PCCB: variants seen among roughly 807,000 people sequenced by gnomAD.
PCCB encodes propionyl-CoA carboxylase beta chain, mitochondrial.
PCCB carries 43 observed loss-of-function variants against 60.7 expected under a neutral mutation model. The ratio of observed to expected loss-of-function variants is 0.71; its 90% CI spans 0.55 to 0.91. The LOEUF is 0.91. PCCB is among the 40% of genes least tolerant of loss of function. The pLI, the probability that PCCB is intolerant of heterozygous loss-of-function variation, is 0.00. For missense variants in PCCB, 766 were observed against 702.8 expected, an observed-to-expected ratio of 1.09 and a Z score of -1.02; for synonymous variants, 276 against 255.9, an observed-to-expected ratio of 1.08 and a Z score of -0.75.
intron 5 of PCCB, among the ~76,000 whole-genome samples, chr3:136,266,666 A>C (rs938534288): frequency 5.3e-5 from 8 of 152,218 alleles, no homozygotes; most frequent in African/African-American, 1.4e-4. Flanking sequence ...TCAGATGACT[A>C]ATCATGTTGA....
At chr3:136,309,276 AAAAAG>A (rs1285171217) in intron 9 of PCCB, among the ~76,000 whole-genome samples, 2 of 151,690 alleles carry the variant, frequency 1.3e-5, no homozygotes, top group Admixed American at 6.6e-5. Flanking sequence ...AAAAAAAAAA[AAAAAG>A]AAAAGAAAAA....
intron 5 of PCCB, among the ~76,000 whole-genome samples, chr3:136,268,466 T>TG (rs374460050): frequency 6.2e-4 from 35 of 56,540 alleles, no homozygotes; most frequent in African/African-American, 1.3e-3. Flanking sequence ...TCCAACTTGG[T>TG]TTTTTTTTTT....
chr3:136,309,331 A>G (rs1304172767), intron 9 of PCCB, among the ~76,000 whole-genome samples: 1 of 152,098 alleles, frequency 6.6e-6, no homozygotes, highest in Non-Finnish European at 1.5e-5. Flanking sequence ...AAAACCCTGT[A>G]AAATATTTCA....
At chr3:136,261,639 A>T (rs1474631518) in intron 4 of PCCB, among the ~76,000 whole-genome samples, 1 of 152,148 alleles carries the variant, frequency 6.6e-6, no homozygotes, top group Non-Finnish European at 1.5e-5. Flanking sequence ...CTGGGAACAA[A>T]ACTGGCTGCT....
At chr3:136,283,993 GTTCC>G in intron 6 of PCCB, 46 bp downstream of exon 6, 1 of 1,146,480 alleles carries the variant, frequency 8.7e-7, no homozygotes, top group Non-Finnish European at 1.3e-6. Flanking sequence ...GATTTGTGCA[GTTCC>G]TTACCTGCAA....
intron 8 of PCCB, among the ~76,000 whole-genome samples, chr3:136,299,621 T>C (rs1934127970): frequency 1.0e-5 from 1 of 99,576 alleles, no homozygotes; most frequent in Non-Finnish European, 2.0e-5. Flanking sequence ...CATGTGTATG[T>C]ATAGGTATGC....
At position 136,282,669 on chromosome 3, in the gene PCCB, A is replaced by C. The variant is rs538741763; in HGVS notation, c.544-1168A>C. Among the ~76,000 whole-genome samples, 8 of 152,286 alleles carry C rather than the reference A, an allele frequency of 5.3e-5. No individual in the cohort carries two copies. In the South Asian group the frequency reaches 1.7e-3, roughly 32 times the overall value. The stretch of plus-strand genomic sequence containing the variant: ...TTGCTTTATACAGTCTTGTTTTTCA[A>C]AGTATTAAGAAAAGAGAACTATACT... On this transcript the variant is annotated intron_variant, in intron 5 of 14. Coordinates refer to ENST00000251654, the MANE Select transcript of PCCB (RefSeq NM_000532.5).
chr3:136,275,333 TG>T (rs1942310307), intron 5 of PCCB, among the ~76,000 whole-genome samples: 1 of 152,112 alleles, frequency 6.6e-6, no homozygotes, highest in South Asian at 2.1e-4. Context: ...TATTCTGAAT[TG>T]TTTTTTAAGT....
chr3:136,264,411 GTC>G (rs1941914161), intron 5 of PCCB, among the ~76,000 whole-genome samples: 1 of 129,008 alleles, frequency 7.8e-6, no homozygotes, highest in Non-Finnish European at 1.7e-5. Flanking sequence ...CGCTCTTTCT[GTC>G]TCTGTCTCTC....
intron 1 of PCCB, among the ~76,000 whole-genome samples, chr3:136,252,868 C>T: frequency 6.7e-6 from 1 of 149,962 alleles, no homozygotes; most frequent in East Asian, 1.9e-4. Flanking sequence ...ACTTACTCTA[C>T]TTTACATGAC....
intron 6 of PCCB, among the ~76,000 whole-genome samples, chr3:136,288,285 T>A (rs1933514441): frequency 6.6e-6 from 1 of 152,236 alleles, no homozygotes; most frequent in South Asian, 2.1e-4. Context: ...TTATTGATAC[T>A]GTTTTTCTTT....
intron 5 of PCCB, among the ~76,000 whole-genome samples, chr3:136,268,097 T>TATATATATATATAG (rs1942073197): frequency 2.4e-5 from 2 of 84,532 alleles, no homozygotes; most frequent in African/African-American, 8.8e-5. Context: ...GATATATATA[T>TATATATATATATAG]ATATATATAT....
intron 5 of PCCB, among the ~76,000 whole-genome samples, chr3:136,274,453 A>G (rs1246269940): frequency 2.6e-5 from 4 of 152,186 alleles, no homozygotes; most frequent in African/African-American, 7.2e-5. Context: ...TAGAACCCCA[A>G]TCCCTTCTAG....
rs1941790690 is a variant in PCCB at position 136,260,464 on chromosome 3, G to A, written c.373-15G>A. ...GTCACTATATTTGACTTGCTGATTT[G>A]TATTTTCTTTTTAGGATTTTACAGT... On this transcript the variant is annotated splice_polypyrimidine_tract_variant and intron_variant, in intron 3 of 14. Coordinates refer to ENST00000251654, the MANE Select transcript of PCCB (RefSeq NM_000532.5). The A allele has an allele frequency of 6.2e-7, 1 of 1,607,418 alleles. No homozygotes were observed. Among genetic ancestry groups the A allele is most frequent in the Middle Eastern group, 1.7e-4 (1 of 6,048 alleles).
chr3:136,282,391 CTCAGTTT>C (rs1284570050), intron 5 of PCCB, among the ~76,000 whole-genome samples: 1 of 152,126 alleles, frequency 6.6e-6, no homozygotes, highest in Non-Finnish European at 1.5e-5. Flanking sequence ...TGTGATGTCA[CTCAGTTT>C]TTTTATGGTA....
intron 10 of PCCB, among the ~76,000 whole-genome samples, chr3:136,318,799 A>T (rs1420698501): frequency 1.3e-5 from 2 of 152,148 alleles, no homozygotes; most frequent in East Asian, 3.8e-4. Flanking sequence ...CCACATTTTG[A>T]TTGATTGTCC....
At chr3:136,326,356 C>A (rs917939942) in intron 10 of PCCB, 2 of 702,704 alleles carry the variant, frequency 2.8e-6, no homozygotes. Flanking sequence ...TGGAACTATG[C>A]TAGGAGGCAG....
chr3:136,300,037 T>C (rs918752947), intron 8 of PCCB, among the ~76,000 whole-genome samples: 2 of 151,468 alleles, frequency 1.3e-5, no homozygotes, highest in African/African-American at 2.4e-5. Flanking sequence ...CACACATGCA[T>C]ATATGCATGC....
chr3:136,312,470 C>G (rs181298533), intron 9 of PCCB, among the ~76,000 whole-genome samples: 1 of 152,286 alleles, frequency 6.6e-6, no homozygotes, highest in African/African-American at 2.4e-5. Context: ...TAGTGCCCAA[C>G]TGTATATGAT....
Sources: gnomAD v4.1 joint callset for allele counts (sites outside exome capture counted in the v4.1 genomes callset) on GRCh38, gnomAD v4.1.1 for gene constraint, MANE v1.5 for transcripts, NCBI Gene and HGNC (gene_info 2026-07-23, HGNC 2026-07-21) for gene names.